The following CREBBP variants were observed in gnomAD, a reference collection of about 807,000 sequenced individuals.
The protein encoded by CREBBP is CREB binding lysine acetyltransferase.
In CREBBP, 19 loss-of-function variants were observed where a neutral mutation model predicts 265.0. That is an observed-to-expected ratio of 0.07 (90% CI 0.05 to 0.11). The LOEUF is 0.11. CREBBP is among the 10% of genes least tolerant of loss of function. The probability of loss-of-function intolerance (pLI) is 1.00; values close to 1 mark genes in which losing one functional copy is unlikely to be tolerated. For synonymous variants in CREBBP, 1,457 were observed against 1,223.7 expected (o/e 1.19, Z -3.98); for missense variants, 2,525 against 3,219.0 (o/e 0.78, Z 5.22).
At chr16:3,849,446 T>TGTGTGTGTGTGTGTGTGTGTG (rs2054768379) in intron 2 of CREBBP, among the ~76,000 whole-genome samples, 2 of 33,652 alleles carry the variant, frequency 5.9e-5, no homozygotes, top group Non-Finnish European at 9.8e-5. Flanking sequence ...TGTGTGTGTG[T>TGTGTGTGTGTGTGTGTGTGTG]GTGTGTGTGT....
At chr16:3,867,801 C>T (rs1452456308) in intron 1 of CREBBP, among the ~76,000 whole-genome samples, 1 of 150,634 alleles carries the variant, frequency 6.6e-6, no homozygotes, top group Non-Finnish European at 1.5e-5. Context: ...TAGTGGCATG[C>T]ACCTGTCATC....
intron 11 of CREBBP, 177 bp from the exon 12 acceptor site, chr16:3,774,870 G>T: frequency 1.2e-6 from 1 of 843,008 alleles, no homozygotes. Flanking sequence ...TCCATATCCA[G>T]AGAAAACGGC....
chr16:3,730,736 T>C (rs3025676), intron 30 of CREBBP, among the ~76,000 whole-genome samples: 1 of 152,202 alleles, frequency 6.6e-6, no homozygotes, highest in South Asian at 2.1e-4. Flanking sequence ...GATGGTGGGA[T>C]CTGTCACCTG....
chr16:3,784,788 T>C (rs535590469), intron 5 of CREBBP, among the ~76,000 whole-genome samples: 4 of 152,282 alleles, frequency 2.6e-5, no homozygotes, highest in African/African-American at 7.2e-5. Context: ...TGCCCCACCT[T>C]ACAGTGAATG....
intron 8 of CREBBP, 115 bp downstream of exon 8, chr16:3,780,617 G>A: frequency 1.8e-6 from 2 of 1,104,500 alleles, no homozygotes; most frequent in South Asian, 1.4e-5. Flanking sequence ...AGTGAGAGTG[G>A]CTCCCTAAAT....
intron 5 of CREBBP, among the ~76,000 whole-genome samples, chr16:3,786,114 G>C (rs1032671029): frequency 6.6e-6 from 1 of 152,224 alleles, no homozygotes; most frequent in African/African-American, 2.4e-5. Context: ...TGTAATCCCA[G>C]CACTTTGGGA....
chr16:3,758,822 A>C (rs201424429), intron 17 of CREBBP, 32 bp downstream of exon 17: 204 of 1,511,314 alleles, frequency 1.3e-4, no homozygotes, highest in Non-Finnish European at 1.8e-4. Flanking sequence ...CACACCAGCA[A>C]AGTTATAATC....
At chr16:3,797,639 CACTT>C (rs878898227) in intron 3 of CREBBP, among the ~76,000 whole-genome samples, 1 of 152,128 alleles carries the variant, frequency 6.6e-6, no homozygotes, top group Admixed American at 6.5e-5. Context: ...GTACTGCACT[CACTT>C]ATTTTGTGAT....
intron 19 of CREBBP, among the ~76,000 whole-genome samples, chr16:3,753,338 C>A (rs141314743): frequency 6.6e-6 from 1 of 152,250 alleles, no homozygotes; most frequent in East Asian, 1.9e-4. Context: ...TAACCACACA[C>A]ATACAGCAAA....
intron 5 of CREBBP, 138 bp downstream of exon 5, chr16:3,791,843 T>G (rs1167857974): frequency 3.9e-6 from 3 of 771,476 alleles, no homozygotes; most frequent in Non-Finnish European, 6.8e-6. Flanking sequence ...TGGCTGTACC[T>G]TGGGCTGCTG....
rs758552588 is a variant in CREBBP, at chr16:3,879,925, G to C, written c.-9C>G. 12 of 1,610,808 alleles carry C rather than the reference G, an allele frequency of 7.4e-6. No homozygotes were observed. The Admixed American group carries it at 1.8e-4, about 25-fold the overall frequency. The stretch of plus-strand genomic sequence containing the variant: ...AGCAAGTTCTCAGCCATTTTCACCT[G>C]CTCGCGAAAACAGCCCCGGGCACGG... On this transcript the variant is annotated 5_prime_UTR_variant, in exon 1 of 31. Transcript: ENST00000262367.
rs745368604 is a variant in CREBBP at position 3,728,402 on chromosome 16, C to CTGCTGCTGCTGT, written c.6633_6644dup (p.Gln2213_Gln2216dup). The CTGCTGCTGCTGT allele has an allele frequency of 6.2e-6, 10 of 1,611,860 alleles. No individual in the cohort carries two copies. The highest frequency in any genetic ancestry group is 2.7e-5 in the African/African-American group (2 of 74,726). ...CCCCAGCCATGCCGGCACTCCCTTG[C>CTGCTGCTGCTGT]TGCTGCTGCTGTTGCTGCTGTTGTT... On this transcript the variant is annotated inframe_insertion, in exon 31 of 31. Transcript: ENST00000262367. The surrounding 1 kb of genome is among the most constrained non-coding windows in gnomAD (Gnocchi z 8.7).
At chr16:3,816,972 G>T (rs2054048357) in intron 2 of CREBBP, among the ~76,000 whole-genome samples, 1 of 152,200 alleles carries the variant, frequency 6.6e-6, no homozygotes. Context: ...GGGGGCATCG[G>T]AAGAGGCAGC....
chr16:3,777,965 C>T, intron 10 of CREBBP, 46 bp downstream of exon 10: 1 of 1,601,824 alleles, frequency 6.2e-7, no homozygotes, highest in Non-Finnish European at 8.6e-7. Flanking sequence ...CGAAGGAAAA[C>T]CAAGGAAACA....
intron 11 of CREBBP, among the ~76,000 whole-genome samples, chr16:3,776,850 A>T (rs1192041968): frequency 6.6e-6 from 1 of 151,232 alleles, no homozygotes; most frequent in Non-Finnish European, 1.5e-5. Flanking sequence ...ATCTCTACTA[A>T]AAAAAAAGAT....
In CREBBP at chr16:3,747,239, C is replaced by G. The variant is rs531571938; in HGVS notation, c.3837-1885G>C. Among the ~76,000 whole-genome samples the G allele has an allele frequency of 2.0e-5, 3 of 152,332 alleles. No homozygotes were observed. The East Asian group carries it at 5.8e-4, about 29-fold the overall frequency. ...CACCTCATAGACCAAAGATGACCCT[C>G]TTACACTAGAACCAGTGCTATTCTT... is the stretch of plus-strand genomic sequence containing the variant. On this transcript the variant is annotated intron_variant, in intron 21 of 30. Coordinates refer to ENST00000262367, the MANE Select transcript of CREBBP (RefSeq NM_004380.3).
chr16:3,772,799 G>A (rs1396155853), intron 13 of CREBBP, among the ~76,000 whole-genome samples: 1 of 151,456 alleles, frequency 6.6e-6, no homozygotes, highest in Non-Finnish European at 1.5e-5. Flanking sequence ...GCTGGGTACG[G>A]TAGCTTACTC....
chr16:3,764,570 C>G (rs1037954875), intron 16 of CREBBP, among the ~76,000 whole-genome samples: 4 of 151,974 alleles, frequency 2.6e-5, no homozygotes, highest in Non-Finnish European at 5.9e-5. Context: ...GCCACTGTGT[C>G]CACTCATTTC....
At chr16:3,734,628 G>T (rs2052003247) in intron 28 of CREBBP, among the ~76,000 whole-genome samples, 1 of 152,186 alleles carries the variant, frequency 6.6e-6, no homozygotes, top group African/African-American at 2.4e-5. Context: ...GCGGGAGCAA[G>T]TCCGAAGACA....
Sources: allele counts gnomAD v4.1 joint callset (sites outside exome capture counted in the v4.1 genomes callset), GRCh38; gene constraint gnomAD v4.1.1; non-coding constraint Gnocchi (gnomAD v3.1); transcripts MANE v1.5; gene names NCBI Gene and HGNC (gene_info 2026-07-23, HGNC 2026-07-21).